Variants in EYA3 observed in about 807,000 individuals in gnomAD.
The protein encoded by EYA3 is EYA transcriptional coactivator and phosphatase 3, also known as protein phosphatase EYA3.
Under a neutral mutation model 80.0 loss-of-function variants are expected in EYA3, and 39 were observed. That is an observed-to-expected ratio of 0.49 (90% confidence interval 0.38 to 0.64). EYA3 has a LOEUF of 0.64. Among genes scored for constraint, EYA3 ranks in the 30% least tolerant of loss-of-function variants. EYA3 has a pLI of 0.00. For synonymous variants in EYA3, 206 were observed against 232.8 expected (o/e 0.88, Z 1.05); for missense variants, 523 against 676.1 (o/e 0.77, Z 2.51).
chr1:28,000,114 T>C (rs1397396277), intron 11 of EYA3, 65 bp from the exon 12 acceptor site: 1 of 1,241,046 alleles, frequency 8.1e-7, no homozygotes. Context: ...AATCTTCAAA[T>C]TTCAAAATTA....
chr1:27,996,823 T>C (rs1430784224), intron 13 of EYA3, among the ~76,000 whole-genome samples: 2 of 152,214 alleles, frequency 1.3e-5, no homozygotes, highest in Non-Finnish European at 2.9e-5. Flanking sequence ...CAAAGAGGAA[T>C]GAGGAGCCTG....
At chr1:28,062,979 G>A (rs1393067330) in intron 1 of EYA3, among the ~76,000 whole-genome samples, 1 of 148,396 alleles carries the variant, frequency 6.7e-6, no homozygotes, top group Admixed American at 6.8e-5. Flanking sequence ...TCCAGGCTGG[G>A]CGACAGGAAA....
chr1:28,047,087 G>A (rs1332247361), intron 3 of EYA3, among the ~76,000 whole-genome samples: 1 of 151,266 alleles, frequency 6.6e-6, no homozygotes, highest in Non-Finnish European at 1.5e-5. Flanking sequence ...GAACTCAAGC[G>A]ATCTGCCCAC....
rs960901137 is a variant in EYA3, at chr1:27,973,818, AC to A, written c.*647del. 6.6e-6 allele frequency: 1 copy of A among 152,264 alleles called. No individual in the cohort carries two copies. Among genetic ancestry groups the A allele is most frequent in the African/African-American group, 2.4e-5 (1 of 41,540 alleles). The allele number at this position is 152,264 out of a possible 1,614,324, so 9.4% of individuals were successfully genotyped here. On this transcript the variant is annotated 3_prime_UTR_variant, in exon 18 of 18. Transcript: ENST00000373871. Reference sequence around the variant, plus strand: ...AATTACTATTTTCAAGACTTTAAACACCCCTTCTTGCTAGAAAAAGAAAGTG... The same window carrying A: ...AATTACTATTTTCAAGACTTTAAACACCCTTCTTGCTAGAAAAAGAAAGTG...
At chr1:28,064,583 A>G (rs1469496569) in intron 1 of EYA3, among the ~76,000 whole-genome samples, 1 of 152,154 alleles carries the variant, frequency 6.6e-6, no homozygotes, top group Non-Finnish European at 1.5e-5. Context: ...TTTAAAACCA[A>G]TAATAGTGGG....
intron 2 of EYA3, among the ~76,000 whole-genome samples, chr1:28,056,729 T>C (rs1371127212): frequency 1.3e-5 from 2 of 152,226 alleles, no homozygotes; most frequent in Non-Finnish European, 2.9e-5. Flanking sequence ...AGATGACTTG[T>C]TAGCAGGTCA....
intron 10 of EYA3, among the ~76,000 whole-genome samples, chr1:28,004,835 C>T (rs889264590): frequency 1.3e-5 from 2 of 151,876 alleles, no homozygotes; most frequent in Non-Finnish European, 2.9e-5. Context: ...ATAACAATGG[C>T]TAGAGCAGAG....
chr1:28,065,891 T>C (rs1644819709), intron 1 of EYA3, among the ~76,000 whole-genome samples: 1 of 151,696 alleles, frequency 6.6e-6, no homozygotes, highest in Non-Finnish European at 1.5e-5. Flanking sequence ...TAATCCCAGA[T>C]ACTCAAGAGG....
At chr1:28,080,514 A>G (rs1645383752) in intron 1 of EYA3, among the ~76,000 whole-genome samples, 1 of 152,122 alleles carries the variant, frequency 6.6e-6, no homozygotes, top group African/African-American at 2.4e-5. Flanking sequence ...ACAATGCATC[A>G]CCAGTAGTAA....
At chr1:28,017,281 T>C (rs1288867881) in intron 7 of EYA3, 42 bp from the exon 8 acceptor site, 1 of 1,454,072 alleles carries the variant, frequency 6.9e-7, no homozygotes, top group Admixed American at 1.7e-5. Flanking sequence ...AGATATTATG[T>C]AAAAGGTTAG....
chr1:28,036,981 G>C (rs751032402), intron 5 of EYA3, among the ~76,000 whole-genome samples: 2 of 152,162 alleles, frequency 1.3e-5, no homozygotes, highest in Non-Finnish European at 2.9e-5. Flanking sequence ...AAGTCCTGGA[G>C]GGTATAGAGT....
rs1376778097 is a variant in EYA3 at position 28,073,110 on chromosome 1, T to TAC, written c.-68-15017_-68-15016insGT. On this transcript the variant is annotated intron_variant, in intron 1 of 17. Transcript: ENST00000373871. ...TTGGGATTGATGAAACTATTATATA[T>TAC]ATATATATATATATATATTTTTTTT... 2.6e-3 allele frequency among the ~76,000 whole-genome samples: 119 copies of TAC among 46,256 alleles called. 10 individuals carry two copies. Among genetic ancestry groups the TAC allele is most frequent in the Non-Finnish European group, 3.7e-3 (92 of 24,622 alleles). 30.3% of individuals were successfully genotyped at this position (46,256 alleles called of 152,430 possible). A position where few individuals can be genotyped will look rare whatever the true frequency, so the allele number is the denominator to read the frequency against.
At chr1:28,087,408 T>C (rs968849020) in intron 1 of EYA3, among the ~76,000 whole-genome samples, 4 of 152,194 alleles carry the variant, frequency 2.6e-5, no homozygotes, top group Non-Finnish European at 4.4e-5. Context: ...AATGTAATTC[T>C]AAGTAAAGTC....
chr1:28,060,129 G>A (rs561446801), intron 1 of EYA3, among the ~76,000 whole-genome samples: 1 of 152,210 alleles, frequency 6.6e-6, no homozygotes, highest in African/African-American at 2.4e-5. Context: ...TTTCAGCAAG[G>A]GAGATAAAAG....
At chr1:28,024,929 A>C (rs1642682853) in intron 7 of EYA3, among the ~76,000 whole-genome samples, 1 of 152,226 alleles carries the variant, frequency 6.6e-6, no homozygotes. Flanking sequence ...TAATCAAGCC[A>C]GAAGCAGATT....
rs71727340 is a variant in EYA3 at position 28,064,378 on chromosome 1, CTATA to C, written c.-68-6288_-68-6285del. 7.4e-3 allele frequency among the ~76,000 whole-genome samples: 1,004 copies of C among 136,314 alleles called. 5 individuals are homozygous for C. The highest frequency in any genetic ancestry group is 0.011 in the Non-Finnish European group (700 of 64,652). The allele number at this position is 136,314 out of a possible 152,430, so 89.4% of individuals were successfully genotyped here. A position where few individuals can be genotyped will look rare whatever the true frequency, so the allele number is the denominator to read the frequency against. On this transcript the variant is annotated intron_variant, in intron 1 of 17. Transcript: ENST00000373871. The stretch of plus-strand genomic sequence containing the variant: ...AGCCATCCTCTCTCTCTCTCTCTCT[CTATA>C]TATATATATATAAATATATAGAGCC...
chr1:28,025,757 T>A (rs564683907), intron 7 of EYA3, among the ~76,000 whole-genome samples: 11 of 152,352 alleles, frequency 7.2e-5, no homozygotes, highest in South Asian at 4.1e-4. Context: ...TCCATTTTTT[T>A]AAATTTCTAT....
rs543234822 is a variant in EYA3 at position 28,066,258 on chromosome 1, A to G, written c.-68-8164T>C. On this transcript the variant is annotated intron_variant, in intron 1 of 17. Coordinates refer to ENST00000373871, the MANE Select transcript of EYA3 (RefSeq NM_001990.4). ...ATTTGCCTGTGAAATTTTCCATTTA[A>G]TATTTTCAGACCAAGGTTGATAGAA... is the stretch of plus-strand genomic sequence containing the variant. Among the ~76,000 whole-genome samples the G allele has an allele frequency of 1.8e-4, 28 of 152,306 alleles. No individual in the cohort carries two copies. The South Asian group carries it at 2.7e-3, about 15-fold the overall frequency.
chr1:28,065,900 G>C (rs1644819879), intron 1 of EYA3, among the ~76,000 whole-genome samples: 1 of 152,084 alleles, frequency 6.6e-6, no homozygotes, highest in Non-Finnish European at 1.5e-5. Flanking sequence ...ATACTCAAGA[G>C]GCTGAGGCAG....
Sources: allele counts gnomAD v4.1 joint callset (sites outside exome capture counted in the v4.1 genomes callset), GRCh38; gene constraint gnomAD v4.1.1; transcripts MANE v1.5; gene names NCBI Gene and HGNC (gene_info 2026-07-23, HGNC 2026-07-21).